Variants in CREG2 observed in about 807,000 individuals in gnomAD.
CREG2 encodes the protein protein CREG2.
CREG2 carries 24 observed loss-of-function variants against 26.2 expected under a neutral mutation model. The observed-to-expected ratio is 0.92, with a 90% confidence interval of 0.66 to 1.29. The LOEUF (loss-of-function observed/expected upper bound fraction) is 1.29, where lower values mean the gene tolerates loss of function less well. Ranked by LOEUF, CREG2 falls within the 50% of genes most tolerant of loss-of-function variation. The probability of loss-of-function intolerance (pLI) is 0.00; values close to 1 mark genes in which losing one functional copy is unlikely to be tolerated. For synonymous variants in CREG2, 174 were observed against 169.2 expected (o/e 1.03, Z -0.22); for missense variants, 366 against 398.6 (o/e 0.92, Z 0.70).
At chr2:101,373,327 T>C (rs996469672) in intron 2 of CREG2, among the ~76,000 whole-genome samples, 2 of 152,214 alleles carry the variant, frequency 1.3e-5, no homozygotes, top group African/African-American at 4.8e-5. Context: ...TACAACATGA[T>C]GAACCTTGAA....
intron 2 of CREG2, among the ~76,000 whole-genome samples, chr2:101,380,004 T>TATC (rs1261938600): frequency 1.7e-4 from 25 of 149,714 alleles, no homozygotes; most frequent in Non-Finnish European, 5.9e-5. Context: ...TCTATCTATC[T>TATC]ATCTATCTAT....
intron 2 of CREG2, among the ~76,000 whole-genome samples, chr2:101,359,398 C>T (rs1182064596): frequency 1.3e-5 from 2 of 152,134 alleles, no homozygotes; most frequent in Non-Finnish European, 2.9e-5. Context: ...GTCAAGTCTT[C>T]GTATAAGGTC....
Sources: allele counts gnomAD v4.1 joint callset (sites outside exome capture counted in the v4.1 genomes callset), GRCh38; gene constraint gnomAD v4.1.1; transcripts MANE v1.5; gene names NCBI Gene and HGNC (gene_info 2026-07-23, HGNC 2026-07-21).